The following SNX31 variants were observed in gnomAD, a reference collection of about 807,000 sequenced individuals.
The protein encoded by SNX31 is sorting nexin-31.
A neutral mutation model predicts 65.4 loss-of-function variants in SNX31; 58 were observed. The observed-to-expected ratio is 0.89, with a 90% CI of 0.72 to 1.10. SNX31 has a LOEUF of 1.10. SNX31 is among the 50% of genes least tolerant of loss of function. The pLI is 0.00. For synonymous variants in SNX31, 181 were observed against 190.1 expected (o/e 0.95, Z 0.39); for missense variants, 523 against 529.7 (o/e 0.99, Z 0.12).
At chr8:100,641,561 A>ATAT (rs1563580340) in intron 2 of SNX31, among the ~76,000 whole-genome samples, 1 of 28,684 alleles carries the variant, frequency 3.5e-5, no homozygotes, top group Non-Finnish European at 5.6e-5. Flanking sequence ...AAAAAAAAAA[A>ATAT]AAAAATATAT....
chr8:100,659,135 C>T (rs1013997076), intron 1 of SNX31, among the ~76,000 whole-genome samples: 1 of 151,970 alleles, frequency 6.6e-6, no homozygotes, highest in African/African-American at 2.4e-5. Flanking sequence ...CACCTGAGGT[C>T]AGGAGTTTAA....
rs1340972368 is a variant in SNX31 at position 100,588,046 on chromosome 8, T to C, written c.1092+820A>G. On this transcript the variant is annotated intron_variant, in intron 11 of 13. Transcript: ENST00000311812. The surrounding 1 kb of genome is among the most constrained non-coding windows in gnomAD (Gnocchi z 4.8). Reference sequence around the variant, plus strand: ...TATACTGAATAAATTCTGAGGCAATTGTAACACAATGATAAGTATGTGTAT... The same window carrying C: ...TATACTGAATAAATTCTGAGGCAATCGTAACACAATGATAAGTATGTGTAT... Among the ~76,000 whole-genome samples the C allele has an allele frequency of 6.6e-6, 1 of 152,032 alleles. No individual in the cohort carries two copies. Among genetic ancestry groups the C allele is most frequent in the African/African-American group, 2.4e-5 (1 of 41,374 alleles).
chr8:100,635,821 T>C, intron 3 of SNX31, 76 bp downstream of exon 3: 1 of 927,322 alleles, frequency 1.1e-6, no homozygotes, highest in Non-Finnish European at 1.7e-6. Flanking sequence ...AATTGTACAC[T>C]TTAGCAGGTG....
At chr8:100,637,819 C>T (rs1052199636) in intron 2 of SNX31, among the ~76,000 whole-genome samples, 2 of 152,156 alleles carry the variant, frequency 1.3e-5, no homozygotes, top group Non-Finnish European at 2.9e-5. Context: ...CCTCAGCCTC[C>T]TGAGTAGCTG....
rs1346868870 is a variant in SNX31 at position 100,577,057 on chromosome 8, GTT to G, written c.1187_1188del (p.Glu396AlafsTer5). On this transcript the variant is annotated frameshift_variant, in exon 13 of 14. Transcript: ENST00000311812. LOFTEE classifies it high-confidence loss of function. The stretch of plus-strand genomic sequence containing the variant: ...ATGTGGTATTTTTTACTTTTGCTTT[GTT>G]CCGGAACTTCAATCTGCTAGATAGA... ...ENTEMQIEVPEQSKSKKYHIQ... is the reference protein window; with the variant it reads ...ENTEMQIEVPXQSKSKKYHIQ... 1.9e-6 allele frequency: 3 copies of G among 1,613,436 alleles called. No homozygotes were observed. In the African/African-American group the frequency reaches 4.0e-5, roughly 22 times the overall value.
At position 100,611,744 on chromosome 8, in the gene SNX31, T is replaced by C. The variant is rs184637442; in HGVS notation, c.611+256A>G. Reference sequence around the variant, plus strand: ...TAATTTTTTTGATTTTTAGTGGAGATGAGGTCTTGCTATGTTGCCCAGGCT... The same window carrying C: ...TAATTTTTTTGATTTTTAGTGGAGACGAGGTCTTGCTATGTTGCCCAGGCT... On this transcript the variant is annotated intron_variant, in intron 7 of 13. Transcript: ENST00000311812. Among the ~76,000 whole-genome samples, 98 of 152,220 alleles carry C rather than the reference T, an allele frequency of 6.4e-4. 1 individual carries two copies. Among genetic ancestry groups the C allele is most frequent in the African/African-American group, 2.3e-3 (95 of 41,532 alleles).
chr8:100,620,209 G>A (rs1321760044), intron 4 of SNX31, among the ~76,000 whole-genome samples: 1 of 152,114 alleles, frequency 6.6e-6, no homozygotes, highest in Non-Finnish European at 1.5e-5. Context: ...ATTACTGGGG[G>A]ACCACAAAGT....
chr8:100,587,686 T>G (rs188205334), intron 11 of SNX31, among the ~76,000 whole-genome samples: 218 of 152,362 alleles, frequency 1.4e-3, no homozygotes, highest in Non-Finnish European at 2.1e-3. Context: ...TGCTTTCTGA[T>G]GGCTCAATGT....
intron 4 of SNX31, among the ~76,000 whole-genome samples, chr8:100,627,476 C>T (rs980466794): frequency 7.9e-5 from 12 of 152,218 alleles, no homozygotes; most frequent in South Asian, 4.1e-4. Context: ...CTAAAGTCAA[C>T]TTACGATTAC....
chr8:100,587,003 A>G (rs952658502), intron 11 of SNX31, among the ~76,000 whole-genome samples: 1 of 152,170 alleles, frequency 6.6e-6, no homozygotes, highest in Non-Finnish European at 1.5e-5. Context: ...TTAAAAGCCT[A>G]TGGTAGACAT....
chr8:100,623,961 T>G (rs1048222550), intron 4 of SNX31, among the ~76,000 whole-genome samples: 12 of 151,070 alleles, frequency 7.9e-5, no homozygotes, highest in African/African-American at 2.9e-4. Context: ...CAACTAAGCA[T>G]TTTTTTTTCT....
chr8:100,657,985 G>T (rs1820078642), intron 1 of SNX31: 1 of 357,606 alleles, frequency 2.8e-6, no homozygotes, highest in Admixed American at 3.8e-5. Flanking sequence ...CAGATCCTTG[G>T]CATTTTGTTT....
At position 100,588,802 on chromosome 8, in the gene SNX31, C is replaced by T. The variant is rs142271746; in HGVS notation, c.1092+64G>A. 9.0e-4 allele frequency: 1,121 copies of T among 1,246,332 alleles called. 11 individuals are homozygous for T. The African/African-American group carries it at 0.015, about 17-fold the overall frequency. The allele number at this position is 1,246,332 out of a possible 1,614,324, so 77.2% of individuals were successfully genotyped here. A position where few individuals can be genotyped will look rare whatever the true frequency, so the allele number is the denominator to read the frequency against. ...TTGGGTTAGGGTCATGTGCTTCATC[C>T]ACCCCAGCAAGCAAGACAGCATTTC... is the stretch of plus-strand genomic sequence containing the variant. On this transcript the variant is annotated intron_variant, in intron 11 of 13. Transcript: ENST00000311812. This position sits in a 1 kb window ranked among gnomAD's most constrained non-coding sequence, Gnocchi z 4.8.
At chr8:100,637,608 C>T (rs1437886834) in intron 2 of SNX31, among the ~76,000 whole-genome samples, 11 of 152,238 alleles carry the variant, frequency 7.2e-5, no homozygotes, top group Admixed American at 7.2e-4. Flanking sequence ...TAGATTATTG[C>T]AATCGCCTTC....
intron 11 of SNX31, among the ~76,000 whole-genome samples, chr8:100,585,834 G>GACT (rs751556642): frequency 1.6e-4 from 24 of 152,254 alleles, no homozygotes; most frequent in Non-Finnish European, 2.9e-4. Context: ...CATAGGCCAG[G>GACT]ACTCTGCTAT....
chr8:100,663,245 C>G (rs941913498), exon 1 of SNX31: 3 of 152,128 alleles, frequency 2.0e-5, no homozygotes, highest in Admixed American at 1.3e-4. Flanking sequence ...AGATACCCCC[C>G]CCAATCCAAA....
intron 8 of SNX31, among the ~76,000 whole-genome samples, chr8:100,601,693 A>G (rs1815642459): frequency 6.6e-6 from 1 of 152,220 alleles, no homozygotes; most frequent in Non-Finnish European, 1.5e-5. Flanking sequence ...AACCATCATC[A>G]GCAAGTGTTC....
chr8:100,657,737 A>C (rs1355750209), intron 1 of SNX31: 1 of 455,654 alleles, frequency 2.2e-6, no homozygotes, highest in East Asian at 7.0e-5. Context: ...GTGAAGGTCC[A>C]GAGGTGAAGA....
In SNX31 at chr8:100,594,445, A is replaced by G. The variant is rs539396861; in HGVS notation, c.978+2194T>C. ...ATACATAAAGAACTCTCAACACTCA[A>G]CAGTAAAAAGCCAAACAATCCAATT... On this transcript the variant is annotated intron_variant, in intron 10 of 13. Coordinates refer to ENST00000311812, the MANE Select transcript of SNX31 (RefSeq NM_152628.4). This position sits in a 1 kb window ranked among gnomAD's most constrained non-coding sequence, Gnocchi z 4.0. 1.4e-4 allele frequency among the ~76,000 whole-genome samples: 21 copies of G among 152,376 alleles called. No individual in the cohort carries two copies. The South Asian group carries it at 3.5e-3, about 26-fold the overall frequency.
Sources: allele counts gnomAD v4.1 joint callset (sites outside exome capture counted in the v4.1 genomes callset), GRCh38; gene constraint gnomAD v4.1.1; non-coding constraint Gnocchi (gnomAD v3.1); transcripts MANE v1.5; gene names NCBI Gene and HGNC (gene_info 2026-07-23, HGNC 2026-07-21).